The following MTFMT variants were observed in gnomAD, a reference collection of about 807,000 sequenced individuals.
MTFMT encodes mitochondrial methionyl-tRNA formyltransferase.
In MTFMT, 47 loss-of-function variants were observed where a neutral mutation model predicts 51.8. That is an observed-to-expected ratio of 0.91 (90% CI 0.72 to 1.16). The LOEUF (loss-of-function observed/expected upper bound fraction) is 1.16, where lower values mean the gene tolerates loss of function less well. Among genes scored for constraint, MTFMT ranks in the 50% most tolerant of loss-of-function variants. MTFMT has a pLI of 0.00. For synonymous variants in MTFMT, 196 were observed against 176.7 expected (o/e 1.11, Z -0.87); for missense variants, 512 against 482.3 (o/e 1.06, Z -0.58).
intron 6 of MTFMT, among the ~76,000 whole-genome samples, chr15:65,012,812 T>G (rs1444374446): frequency 6.6e-6 from 1 of 152,226 alleles, no homozygotes; most frequent in East Asian, 1.9e-4. Flanking sequence ...CCTCCAATTT[T>G]GTTAGTTTTG....
At position 65,016,389 on chromosome 15, in the gene MTFMT, C is replaced by T. The variant is rs749493574; in HGVS notation, c.813+47G>A. 2.2e-5 allele frequency: 24 copies of T among 1,116,226 alleles called. No individual in the cohort carries two copies. The Admixed American group carries it at 2.2e-4, about 10-fold the overall frequency. 69.1% of individuals were successfully genotyped at this position (1,116,226 alleles called of 1,614,324 possible). On this transcript the variant is annotated intron_variant, in intron 6 of 8. Transcript: ENST00000220058. ...AAATATTTAGAAAGCAAATTACACA[C>T]ATAGAAAACCAACTAGGTAGAACTG...
chr15:65,024,511 C>CT (rs11340546), intron 2 of MTFMT, among the ~76,000 whole-genome samples: 1 of 150,296 alleles, frequency 6.7e-6, no homozygotes, highest in African/African-American at 2.5e-5. Context: ...TAAGCTTTTT[C>CT]TTTTTTTTTT....
At chr15:65,006,062 G>T in intron 7 of MTFMT, 51 bp downstream of exon 7, 1 of 1,302,914 alleles carries the variant, frequency 7.7e-7, no homozygotes, top group Non-Finnish European at 1.1e-6. Context: ...CGTATTTCCA[G>T]ATACACTACA....
At chr15:65,016,383 T>C in intron 6 of MTFMT, 53 bp downstream of exon 6, 1 of 995,358 alleles carries the variant, frequency 1.0e-6, no homozygotes. Context: ...GAAAGCAAAT[T>C]ACACACATAG....
chr15:65,024,357 T>G (rs2086403074), intron 2 of MTFMT, among the ~76,000 whole-genome samples: 4 of 151,852 alleles, frequency 2.6e-5, no homozygotes, highest in Admixed American at 2.6e-4. Flanking sequence ...TGTCTGGGAG[T>G]TTTTAAATAA....
Position 65,024,035 on chromosome 15 carries a change from A to C in MTFMT, c.420-241T>G, listed in dbSNP as rs151306163. 3.1e-3 allele frequency among the ~76,000 whole-genome samples: 474 copies of C among 152,344 alleles called. 1 individual carries two copies. The highest frequency in any genetic ancestry group is 0.011 in the African/African-American group (447 of 41,576). The stretch of plus-strand genomic sequence containing the variant: ...GCTAGGACAACTATTTGCTGTTCTA[A>C]AGATGTTCTGTCTGGGTGTGGTGGC... On this transcript the variant is annotated intron_variant, in intron 2 of 8. Transcript: ENST00000220058.
chr15:65,022,089 A>G (rs1472154507), intron 3 of MTFMT, among the ~76,000 whole-genome samples: 1 of 152,248 alleles, frequency 6.6e-6, no homozygotes, highest in Non-Finnish European at 1.5e-5. Context: ...ATGGAAGTAC[A>G]GTTAGGAAGT....
At chr15:65,007,372 T>C (rs190712847) in intron 6 of MTFMT, among the ~76,000 whole-genome samples, 95 of 152,364 alleles carry the variant, frequency 6.2e-4, no homozygotes, top group African/African-American at 2.0e-3. Flanking sequence ...CCATAAAGCA[T>C]TGATGTTTCA....
chr15:65,010,417 T>G (rs1190859249), intron 6 of MTFMT, among the ~76,000 whole-genome samples: 3 of 152,184 alleles, frequency 2.0e-5, no homozygotes, highest in Non-Finnish European at 4.4e-5. Flanking sequence ...CTCCAGCCTA[T>G]GGATTTGCCT....
In MTFMT at chr15:65,029,623, C is replaced by T. The variant is rs1270588909; in HGVS notation, c.-10G>A. ...GCACCAACACCCTCATCGCCTCGGC[C>T]GCCGGCGGCCGGCCCTGCGCAGGCG... On this transcript the variant is annotated 5_prime_UTR_variant, in exon 1 of 9. Transcript: ENST00000220058. 1.4e-4 allele frequency: 198 copies of T among 1,375,298 alleles called. 1 individual carries two copies. The highest frequency in any genetic ancestry group is 1.8e-5 in the Non-Finnish European group (19 of 1,061,702). The allele number at this position is 1,375,298 out of a possible 1,614,324, so 85.2% of individuals were successfully genotyped here. A position where few individuals can be genotyped will look rare whatever the true frequency, so the allele number is the denominator to read the frequency against.
chr15:65,024,650 A>T (rs189994880), intron 2 of MTFMT, among the ~76,000 whole-genome samples: 1 of 152,148 alleles, frequency 6.6e-6, no homozygotes, highest in East Asian at 1.9e-4. Context: ...ATGTGCAGAC[A>T]CTGTTCTAAG....
At chr15:65,020,431 GA>G (rs1164194609) in intron 4 of MTFMT, among the ~76,000 whole-genome samples, 159 bp from the exon 5 acceptor site, 3 of 151,846 alleles carry the variant, frequency 2.0e-5, no homozygotes, top group African/African-American at 7.3e-5. Flanking sequence ...CTTCAAGGCT[GA>G]ACCTATAACT....
chr15:65,003,196 A>G lies in MTFMT; in HGVS notation c.1036T>C (p.Tyr346His), dbSNP rs527728573. ...TACCAGGGGTGCAAATATCCATTGT[A>G]GAAGTCAGTAGCTGTTAGTGATTTC... ...LKKSLTATDF[Y>H]NGYLHPWYQK... The change falls in exon 9 of 9, where the codon TAC becomes CAC. Residue 346 changes from tyrosine (Y) to histidine (H), a missense_variant. Coordinates refer to ENST00000220058, the MANE Select transcript of MTFMT (RefSeq NM_139242.4). The G allele has an allele frequency of 1.2e-5, 19 of 1,613,838 alleles. No individual in the cohort carries two copies. The South Asian group carries it at 1.4e-4, about 12-fold the overall frequency.
Position 65,023,796 on chromosome 15 carries a change from T to C in MTFMT, c.420-2A>G. On this transcript the variant is annotated splice_acceptor_variant, in intron 2 of 8. Transcript: ENST00000220058. LOFTEE classifies it high-confidence loss of function. ...CTGGGATGAACATTCAATATGCCACTGAGTTAGAAAATGTAGAAATTAGTA... is the reference window on the plus strand; with the variant it reads ...CTGGGATGAACATTCAATATGCCACCGAGTTAGAAAATGTAGAAATTAGTA... The C allele has an allele frequency of 6.2e-7, 1 of 1,609,312 alleles. No individual in the cohort carries two copies. Among genetic ancestry groups the C allele is most frequent in the South Asian group, 1.1e-5 (1 of 90,350 alleles).
rs933296601 is a variant in MTFMT, at chr15:65,029,580, G to A, written c.34C>T (p.Pro12Ser). Reference sequence around the variant, plus strand: ...CCACGCCTGGCGCCATGAGCCAGCGGAGGACCCCAACAGCGCCGCACCAAC... The same window carrying A: ...CCACGCCTGGCGCCATGAGCCAGCGAAGGACCCCAACAGCGCCGCACCAAC... Reference protein sequence around the residue: ...RVLVRRCWGPPLAHGARRGRP... With the variant: ...RVLVRRCWGPSLAHGARRGRP... The change falls in exon 1 of 9, where the codon CCG (proline) becomes TCG (serine). Residue 12 changes from proline to serine, a missense_variant. Physicochemically the swap from Pro to Ser is moderately conservative, Grantham distance 74. Transcript: ENST00000220058. 1 of 1,498,690 alleles carries A rather than the reference G, an allele frequency of 6.7e-7. No individual in the cohort carries two copies. Among genetic ancestry groups the A allele is most frequent in the Non-Finnish European group, 8.9e-7 (1 of 1,124,360 alleles). The allele number at this position is 1,498,690 out of a possible 1,614,324, so 92.8% of individuals were successfully genotyped here.
At chr15:65,007,532 G>T (rs1018005350) in intron 6 of MTFMT, among the ~76,000 whole-genome samples, 3 of 152,086 alleles carry the variant, frequency 2.0e-5, no homozygotes, top group Non-Finnish European at 2.9e-5. Flanking sequence ...TAACCTTGTC[G>T]ATATATCTTT....
intron 6 of MTFMT, 133 bp from the exon 7 acceptor site, chr15:65,006,324 G>T (rs2086219053): frequency 3.2e-6 from 2 of 629,400 alleles, no homozygotes; most frequent in African/African-American, 3.7e-5. Flanking sequence ...TAAGTTTGAT[G>T]GAACAGACCG....
intron 6 of MTFMT, among the ~76,000 whole-genome samples, chr15:65,014,011 C>T (rs917909141): frequency 6.6e-6 from 1 of 151,858 alleles, no homozygotes; most frequent in Non-Finnish European, 1.5e-5. Context: ...ATGTATAATC[C>T]TTTTTTATAT....
chr15:65,003,845 C>CAAAAAAAAAA (rs768884218), intron 8 of MTFMT, among the ~76,000 whole-genome samples: 4 of 40,632 alleles, frequency 9.8e-5, no homozygotes, highest in African/African-American at 9.0e-5. Context: ...AACTCCATCT[C>CAAAAAAAAAA]AAAAAAAAAA....
Sources: gnomAD v4.1 joint callset for allele counts (sites outside exome capture counted in the v4.1 genomes callset) on GRCh38, gnomAD v4.1.1 for gene constraint, MANE v1.5 for transcripts, NCBI Gene and HGNC (gene_info 2026-07-23, HGNC 2026-07-21) for gene names.